EYA1: variants seen among roughly 807,000 people sequenced by gnomAD.
The protein encoded by EYA1 is protein phosphatase EYA1.
Under a neutral mutation model 82.0 loss-of-function variants are expected in EYA1, and 16 were observed. That is an observed-to-expected ratio of 0.20 (90% CI 0.13 to 0.30). EYA1 has a LOEUF of 0.30. Ranked by LOEUF, EYA1 falls within the 10% of genes least tolerant of loss-of-function variation. EYA1 has a pLI of 1.00. For missense variants in EYA1, 633 were observed against 730.7 expected, an observed-to-expected ratio of 0.87 and a Z score of 1.54; for synonymous variants, 261 against 264.4, an observed-to-expected ratio of 0.99 and a Z score of 0.12.
intron 9 of EYA1, among the ~76,000 whole-genome samples, chr8:71,285,402 A>G (rs973046466): frequency 4.6e-5 from 7 of 152,232 alleles, no homozygotes; most frequent in Non-Finnish European, 1.5e-5. Context: ...GAGAACATTT[A>G]AGAAGTGGTA....
chr8:71,412,306 C>A (rs1400415836), intron 2 of EYA1, among the ~76,000 whole-genome samples: 1 of 146,666 alleles, frequency 6.8e-6, no homozygotes, highest in African/African-American at 2.5e-5. Flanking sequence ...GTGCAGCGCA[C>A]CAGCATGGCA....
At chr8:71,438,504 G>A (rs1052910821) in intron 2 of EYA1, among the ~76,000 whole-genome samples, 7 of 152,092 alleles carry the variant, frequency 4.6e-5, no homozygotes, top group Admixed American at 3.3e-4. Flanking sequence ...AGATTTCGTA[G>A]AAGAATTACA....
intron 2 of EYA1, among the ~76,000 whole-genome samples, chr8:71,415,118 C>T (rs563310579): frequency 1.3e-5 from 2 of 152,198 alleles, no homozygotes; most frequent in African/African-American, 2.4e-5. Context: ...AGTGGTGTAC[C>T]GGCAATATAA....
At chr8:71,386,974 G>T (rs779150826) in intron 2 of EYA1, among the ~76,000 whole-genome samples, 2 of 152,172 alleles carry the variant, frequency 1.3e-5, no homozygotes, top group Non-Finnish European at 2.9e-5. Context: ...GCAGATGGGG[G>T]ATTAGCCATG....
intron 3 of EYA1, among the ~76,000 whole-genome samples, chr8:71,338,785 T>C (rs1467342613): frequency 1.3e-5 from 2 of 152,220 alleles, no homozygotes. Flanking sequence ...TTACAAATAA[T>C]TCACGCTGCA....
chr8:71,341,147 C>G (rs775602966), intron 3 of EYA1, among the ~76,000 whole-genome samples: 4 of 151,908 alleles, frequency 2.6e-5, no homozygotes, highest in Non-Finnish European at 5.9e-5. Context: ...GGATCCCGCC[C>G]GAATCAGTAA....
intron 2 of EYA1, among the ~76,000 whole-genome samples, chr8:71,418,560 C>CCA (rs140990876): frequency 1.4e-3 from 209 of 151,970 alleles, no homozygotes; most frequent in African/African-American, 4.5e-3. Flanking sequence ...CTACACCCTT[C>CCA]CACACACACA....
intron 2 of EYA1, among the ~76,000 whole-genome samples, chr8:71,421,026 A>C (rs571940970): frequency 1.3e-5 from 2 of 152,324 alleles, no homozygotes; most frequent in Middle Eastern, 3.4e-3. Context: ...CATTTAAAAC[A>C]TCACAGAACT....
At chr8:71,496,757 T>C (rs759406299) in intron 2 of EYA1, among the ~76,000 whole-genome samples, 55 of 152,318 alleles carry the variant, frequency 3.6e-4, no homozygotes, top group Non-Finnish European at 6.5e-4. Flanking sequence ...TTCTACCATA[T>C]GCTCTTTTCA....
chr8:71,425,104 CAAAAAAAAAAA>C (rs71264555), intron 2 of EYA1, among the ~76,000 whole-genome samples: 3 of 75,292 alleles, frequency 4.0e-5, no homozygotes, highest in Non-Finnish European at 6.9e-5. Flanking sequence ...ACTAAAAATA[CAAAAAAAAAAA>C]AAAAAAAAAA....
Position 71,523,173 on chromosome 8 carries a change from C to CTTTTTTTTTTTTTTTTTTTT in EYA1, c.33+12570_33+12571insAAAAAAAAAAAAAAAAAAAA, listed in dbSNP as rs201950125. Among the ~76,000 whole-genome samples, 84 of 110,800 alleles carry CTTTTTTTTTTTTTTTTTTTT rather than the reference C, an allele frequency of 7.6e-4. 7 individuals carry two copies. Among genetic ancestry groups the CTTTTTTTTTTTTTTTTTTTT allele is most frequent in the African/African-American group, 1.2e-3 (32 of 26,846 alleles). The allele number at this position is 110,800 out of a possible 152,430, so 72.7% of individuals were successfully genotyped here. A position where few individuals can be genotyped will look rare whatever the true frequency, so the allele number is the denominator to read the frequency against. ...TTCAGCTCTTTTTCTTTTCTTTTTT[C>CTTTTTTTTTTTTTTTTTTTT]TTTTTCTTTTTTTTTTTTTTTTTGA... is the stretch of plus-strand genomic sequence containing the variant. On this transcript the variant is annotated intron_variant, in intron 2 of 18. Coordinates refer to the EYA1 transcript ENST00000643681.
chr8:71,451,557 T>G (rs1807376054), intron 2 of EYA1, among the ~76,000 whole-genome samples: 1 of 152,234 alleles, frequency 6.6e-6, no homozygotes, highest in Admixed American at 6.5e-5. Context: ...TTTTGTTTTT[T>G]CAAATTTTCT....
At chr8:71,238,617 A>C (rs1812123338) in intron 12 of EYA1, among the ~76,000 whole-genome samples, 2 of 152,174 alleles carry the variant, frequency 1.3e-5, no homozygotes, top group Non-Finnish European at 2.9e-5. Context: ...CGCTATTTTA[A>C]ATTATAATTA....
chr8:71,451,889 G>A (rs1167616615), intron 2 of EYA1, among the ~76,000 whole-genome samples: 1 of 152,184 alleles, frequency 6.6e-6, no homozygotes, highest in Non-Finnish European at 1.5e-5. Context: ...GAGGTATCAG[G>A]TTCATCTCAC....
intron 2 of EYA1, among the ~76,000 whole-genome samples, chr8:71,487,357 T>C (rs1810651354): frequency 6.6e-6 from 1 of 152,198 alleles, no homozygotes; most frequent in Non-Finnish European, 1.5e-5. Context: ...AGTGTGAACA[T>C]GCTCCTAGTA....
chr8:71,200,290 T>C (rs2128804661), intron 17 of EYA1: 1 of 152,358 alleles, frequency 6.6e-6, no homozygotes, highest in African/African-American at 2.4e-5. Context: ...CAATTATAGT[T>C]CTGAGAAATT....
chr8:71,281,753 T>C (rs1817838665), intron 9 of EYA1, among the ~76,000 whole-genome samples: 1 of 152,232 alleles, frequency 6.6e-6, no homozygotes. Context: ...TCTGCTGTGC[T>C]GTCTTAAAAT....
At chr8:71,360,015 A>G (rs771537852) in intron 1 of EYA1, among the ~76,000 whole-genome samples, 2 of 152,206 alleles carry the variant, frequency 1.3e-5, no homozygotes, top group African/African-American at 4.8e-5. Flanking sequence ...TAAATTTTAA[A>G]AATAAAAACC....
In EYA1 at chr8:71,486,072, G is replaced by A. The variant is rs991564633; in HGVS notation, c.33+49672C>T. Among the ~76,000 whole-genome samples the A allele has an allele frequency of 3.3e-5, 5 of 152,200 alleles. No individual in the cohort carries two copies. The South Asian group carries it at 8.3e-4, about 25-fold the overall frequency. Reference sequence around the variant, plus strand: ...GAGTATCGGGTTGCATGGTTTGAAGGGTGCGGCAGAATCATCCCTGCAAGT... The same window carrying A: ...GAGTATCGGGTTGCATGGTTTGAAGAGTGCGGCAGAATCATCCCTGCAAGT... On this transcript the variant is annotated intron_variant, in intron 2 of 18. Coordinates refer to the EYA1 transcript ENST00000643681.
Sources: allele counts gnomAD v4.1 joint callset (sites outside exome capture counted in the v4.1 genomes callset), GRCh38; gene constraint gnomAD v4.1.1; transcripts MANE v1.5; gene names NCBI Gene and HGNC (gene_info 2026-07-23, HGNC 2026-07-21).